The following FOXK1 variants were observed in gnomAD, a reference collection of about 807,000 sequenced individuals.
FOXK1 encodes forkhead box protein K1.
In FOXK1, 19 loss-of-function variants were observed where a neutral mutation model predicts 51.9. The ratio of observed to expected loss-of-function variants is 0.37; its 90% confidence interval spans 0.26 to 0.54. The LOEUF is 0.54. Among genes scored for constraint, FOXK1 ranks in the 20% least tolerant of loss-of-function variants. The pLI is 0.87. For synonymous variants in FOXK1, 537 were observed against 482.6 expected (o/e 1.11, Z -1.48); for missense variants, 870 against 1,032.7 (o/e 0.84, Z 2.16).
intron 2 of FOXK1, among the ~76,000 whole-genome samples, chr7:4,746,430 C>G (rs10262852): frequency 3.6e-4 from 55 of 152,056 alleles, no homozygotes; most frequent in African/African-American, 1.3e-3. Context: ...GGTGTGGTGA[C>G]GCACTTTGGG....
At chr7:4,687,450 G>T (rs1211969125) in intron 1 of FOXK1, among the ~76,000 whole-genome samples, 1 of 151,414 alleles carries the variant, frequency 6.6e-6, no homozygotes, top group South Asian at 2.1e-4. Flanking sequence ...ACGTCACCAC[G>T]CCTGGCTAAT....
Position 4,756,933 on chromosome 7 carries a change from G to A in FOXK1, c.1051-61G>A. 6.4e-7 allele frequency: 1 copy of A among 1,564,560 alleles called. No individual in the cohort carries two copies. The highest frequency in any genetic ancestry group is 1.1e-5 in the South Asian group (1 of 87,840). ...GGTCCCGCATCTGCTGCAGATTTGA[G>A]GTGGGTGGGACTCATTTTCTGATTT... On this transcript the variant is annotated intron_variant, in intron 4 of 8. Coordinates refer to ENST00000328914, the MANE Select transcript of FOXK1 (RefSeq NM_001037165.2). This position sits in a 1 kb window ranked among gnomAD's most constrained non-coding sequence, Gnocchi z 4.1.
At position 4,707,620 on chromosome 7, in the gene FOXK1, T is replaced by G. The variant is rs1325463249; in HGVS notation, c.560+24752T>G. Among the ~76,000 whole-genome samples, 1 of 152,126 alleles carries G rather than the reference T, an allele frequency of 6.6e-6. No homozygotes were observed. The highest frequency in any genetic ancestry group is 2.4e-5 in the African/African-American group (1 of 41,424). On this transcript the variant is annotated intron_variant, in intron 1 of 8. Transcript: ENST00000328914. This position sits in a 1 kb window ranked among gnomAD's most constrained non-coding sequence, Gnocchi z 4.1. ...TGGAGAAGGCTGCCTCACTGGGTCTTTGCAGTTGGCGTGTTCCCCGGTGCC... is the reference window on the plus strand; with the variant it reads ...TGGAGAAGGCTGCCTCACTGGGTCTGTGCAGTTGGCGTGTTCCCCGGTGCC...
At chr7:4,718,851 C>T (rs1430542450) in intron 1 of FOXK1, among the ~76,000 whole-genome samples, 1 of 152,144 alleles carries the variant, frequency 6.6e-6, no homozygotes, top group Non-Finnish European at 1.5e-5. Flanking sequence ...CTCTTGTCAC[C>T]CAGGCTGGAG....
In FOXK1 at chr7:4,722,672, T is replaced by C. The variant is rs1229464892; in HGVS notation, c.561-18166T>C. On this transcript the variant is annotated intron_variant, in intron 1 of 8. Coordinates refer to ENST00000328914, the MANE Select transcript of FOXK1 (RefSeq NM_001037165.2). The surrounding 1 kb of genome is among the most constrained non-coding windows in gnomAD (Gnocchi z 5.1). ...GTTTTCTGAGAAACGGGATTTTCCT[T>C]GGGTGAAACGAGGAAGTCGTAGGAG... Among the ~76,000 whole-genome samples, 2 of 152,228 alleles carry C rather than the reference T, an allele frequency of 1.3e-5. No homozygotes were observed. The highest frequency in any genetic ancestry group is 6.5e-5 in the Admixed American group (1 of 15,286).
intron 1 of FOXK1, among the ~76,000 whole-genome samples, chr7:4,705,777 C>CCG (rs1203697946): frequency 7.0e-5 from 7 of 100,476 alleles, no homozygotes; most frequent in African/African-American, 5.4e-4. Context: ...AACCTCGTGA[C>CCG]CCCCCCCCGC....
rs941111091 is a variant in FOXK1, at chr7:4,708,989, C to G, written c.560+26121C>G. 2.0e-5 allele frequency among the ~76,000 whole-genome samples: 3 copies of G among 149,024 alleles called. No homozygotes were observed. In the East Asian group the frequency reaches 5.9e-4, roughly 29 times the overall value. Reference sequence around the variant, plus strand: ...CTGAGGCAGGAGAATTGCCTGAATCCGAGAGGTGGAGGTTGCAGTGAGCCA... The same window carrying G: ...CTGAGGCAGGAGAATTGCCTGAATCGGAGAGGTGGAGGTTGCAGTGAGCCA... On this transcript the variant is annotated intron_variant, in intron 1 of 8. Transcript: ENST00000328914.
intron 1 of FOXK1, among the ~76,000 whole-genome samples, chr7:4,685,024 G>A (rs576282897): frequency 5.9e-5 from 9 of 151,988 alleles, no homozygotes; most frequent in Non-Finnish European, 8.8e-5. Flanking sequence ...ACAGATGCCC[G>A]CCCGCTGACT....
chr7:4,741,130 C>G, intron 2 of FOXK1, 107 bp downstream of exon 2: 1 of 764,014 alleles, frequency 1.3e-6, no homozygotes, highest in South Asian at 2.4e-5. Flanking sequence ...GAAAGTTGCA[C>G]GTGCATGGAA....
chr7:4,722,455 C>T lies in FOXK1; in HGVS notation c.561-18383C>T, dbSNP rs1236982736. On this transcript the variant is annotated intron_variant, in intron 1 of 8. Coordinates refer to ENST00000328914, the MANE Select transcript of FOXK1 (RefSeq NM_001037165.2). The surrounding 1 kb of genome is among the most constrained non-coding windows in gnomAD (Gnocchi z 5.1). ...AGGAGGTCCCGTGGCCAAGTGGCAG[C>T]GGTGCCGGACATACACGGCAGGGCA... 6.6e-6 allele frequency among the ~76,000 whole-genome samples: 1 copy of T among 152,224 alleles called. No homozygotes were observed. Among genetic ancestry groups the T allele is most frequent in the Non-Finnish European group, 1.5e-5 (1 of 68,042 alleles).
chr7:4,697,533 C>T (rs1779968741), intron 1 of FOXK1, among the ~76,000 whole-genome samples: 1 of 152,180 alleles, frequency 6.6e-6, no homozygotes, highest in African/African-American at 2.4e-5. Context: ...TCTGGCCATG[C>T]CTGGTGGCCC....
Position 4,755,415 on chromosome 7 carries a change from C to T in FOXK1, c.1050+32C>T. Reference sequence around the variant, plus strand: ...CCGAGTCCCCAGGGCCGGATCGCCTCTGAAGGCCCTTAGAACATGGAACTC... The same window carrying T: ...CCGAGTCCCCAGGGCCGGATCGCCTTTGAAGGCCCTTAGAACATGGAACTC... On this transcript the variant is annotated intron_variant, in intron 4 of 8. Transcript: ENST00000328914. This position sits in a 1 kb window ranked among gnomAD's most constrained non-coding sequence, Gnocchi z 6.6. 1 of 1,610,914 alleles carries T rather than the reference C, an allele frequency of 6.2e-7. No homozygotes were observed. Among genetic ancestry groups the T allele is most frequent in the Non-Finnish European group, 8.5e-7 (1 of 1,178,526 alleles).
Position 4,729,439 on chromosome 7 carries a change from C to G in FOXK1, c.561-11399C>G, listed in dbSNP as rs561525323. Among the ~76,000 whole-genome samples, 3 of 152,322 alleles carry G rather than the reference C, an allele frequency of 2.0e-5. No homozygotes were observed. The South Asian group carries it at 6.2e-4, about 32-fold the overall frequency. On this transcript the variant is annotated intron_variant, in intron 1 of 8. Coordinates refer to ENST00000328914, the MANE Select transcript of FOXK1 (RefSeq NM_001037165.2). The surrounding 1 kb of genome is among the most constrained non-coding windows in gnomAD (Gnocchi z 6.2). ...GTCACCTACCAGATGAGCGTTCCTT[C>G]CGCGAAGGGAAGGTGGGGGGATTTT...
Position 4,766,221 on chromosome 7 carries a change from G to C in FOXK1, c.*3757G>C, listed in dbSNP as rs1781008481. On this transcript the variant is annotated 3_prime_UTR_variant, in exon 9 of 9. Coordinates refer to ENST00000328914, the MANE Select transcript of FOXK1 (RefSeq NM_001037165.2). The surrounding 1 kb of genome is among the most constrained non-coding windows in gnomAD (Gnocchi z 5.5). ...CTCAACGTTAATCCCTCACCAGTCG[G>C]GCCGAGTGTGGCCTCATGGTTCTGC... is the stretch of plus-strand genomic sequence containing the variant. The C allele has an allele frequency of 6.8e-6, 1 of 147,268 alleles. No individual in the cohort carries two copies. The highest frequency in any genetic ancestry group is 2.7e-5 in the African/African-American group (1 of 36,764). 9.1% of individuals were successfully genotyped at this position (147,268 alleles called of 1,614,324 possible). A position where few individuals can be genotyped will look rare whatever the true frequency, so the allele number is the denominator to read the frequency against.
At position 4,688,440 on chromosome 7, in the gene FOXK1, G is replaced by A. The variant is rs955785949; in HGVS notation, c.560+5572G>A. Among the ~76,000 whole-genome samples the A allele has an allele frequency of 6.0e-5, 9 of 149,700 alleles. 1 individual carries two copies. Among genetic ancestry groups the A allele is most frequent in the African/African-American group, 1.7e-4 (7 of 40,440 alleles). On this transcript the variant is annotated intron_variant, in intron 1 of 8. Transcript: ENST00000328914. ...TTTTGAGACGGAGTCTCGCTCTGTC[G>A]CCCAGGCTGGAGTGCAGTGGCACTA...
chr7:4,762,291 G>GCGGCCACGGCCACCACCACCC lies in FOXK1; in HGVS notation c.2031_2051dup (p.Thr683_Thr689dup). ...GCCCAAGGAGCCAGCAGCAGCCGTCGCGGCCACGGCCACCACCACCCCAGC... is the reference window on the plus strand; with the variant it reads ...GCCCAAGGAGCCAGCAGCAGCCGTCGCGGCCACGGCCACCACCACCCCGGCCACGGCCACCACCACCCCAGC... On this transcript the variant is annotated inframe_insertion, in exon 9 of 9. Transcript: ENST00000328914. The surrounding 1 kb of genome is among the most constrained non-coding windows in gnomAD (Gnocchi z 5.7). The GCGGCCACGGCCACCACCACCC allele has an allele frequency of 6.5e-7, 1 of 1,550,340 alleles. No homozygotes were observed. The highest frequency in any genetic ancestry group is 8.7e-7 in the Non-Finnish European group (1 of 1,146,802).
At chr7:4,700,140 G>A (rs1029047235) in intron 1 of FOXK1, among the ~76,000 whole-genome samples, 4 of 152,176 alleles carry the variant, frequency 2.6e-5, no homozygotes, top group South Asian at 4.1e-4. Flanking sequence ...AGCACCCCAC[G>A]GCACCCTGTG....
At position 4,755,158 on chromosome 7, in the gene FOXK1, C is replaced by A. The variant is rs1252003619; in HGVS notation, c.904-79C>A. ...GCACATTCTCGTGGGAAGGTTCCTC[C>A]CCATCAGCTGTGACGGGTGGGTGGG... On this transcript the variant is annotated intron_variant, in intron 3 of 8. Coordinates refer to ENST00000328914, the MANE Select transcript of FOXK1 (RefSeq NM_001037165.2). This position sits in a 1 kb window ranked among gnomAD's most constrained non-coding sequence, Gnocchi z 6.6. 2.1e-5 allele frequency: 33 copies of A among 1,556,574 alleles called. No individual in the cohort carries two copies. The highest frequency in any genetic ancestry group is 2.8e-5 in the Non-Finnish European group (32 of 1,144,450).
chr7:4,683,003 C>A lies in FOXK1; in HGVS notation c.560+135C>A, dbSNP rs1779772506. 1 of 933,660 alleles carries A rather than the reference C, an allele frequency of 1.1e-6. No homozygotes were observed. The highest frequency in any genetic ancestry group is 1.5e-6 in the Non-Finnish European group (1 of 664,438). The allele number at this position is 933,660 out of a possible 1,614,324, so 57.8% of individuals were successfully genotyped here. ...ACCCCCCGGCCCACCCCCGGTAACC[C>A]CCGACCGGCCTGGACTCCGGGGTCA... is the stretch of plus-strand genomic sequence containing the variant. On this transcript the variant is annotated intron_variant, in intron 1 of 8. Transcript: ENST00000328914. The surrounding 1 kb of genome is among the most constrained non-coding windows in gnomAD (Gnocchi z 4.5).
Sources: gnomAD v4.1 joint callset for allele counts (sites outside exome capture counted in the v4.1 genomes callset) on GRCh38, gnomAD v4.1.1 for gene constraint, Gnocchi (gnomAD v3.1) non-coding constraint, MANE v1.5 for transcripts, NCBI Gene and HGNC (gene_info 2026-07-23, HGNC 2026-07-21) for gene names.